Variants in PTPRD observed in about 807,000 individuals in gnomAD.
The protein encoded by PTPRD is protein tyrosine phosphatase receptor type D, also known as receptor-type tyrosine-protein phosphatase delta.
A neutral mutation model predicts 214.5 loss-of-function variants in PTPRD; 34 were observed. The ratio of observed to expected loss-of-function variants is 0.16; its 90% CI spans 0.12 to 0.21. The LOEUF (loss-of-function observed/expected upper bound fraction) is 0.21, where lower values mean the gene tolerates loss of function less well. Ranked by LOEUF, PTPRD falls within the 10% of genes least tolerant of loss-of-function variation. PTPRD has a pLI of 1.00. For missense variants in PTPRD, 2,545 were observed against 2,398.7 expected (o/e 1.06, Z -1.27); for synonymous variants, 1,128 against 845.7 (o/e 1.33, Z -5.79).
intron 8 of PTPRD, among the ~76,000 whole-genome samples, chr9:9,485,160 A>C (rs1347279466): frequency 6.6e-6 from 1 of 152,198 alleles, no homozygotes; most frequent in African/African-American, 2.4e-5. Flanking sequence ...AAAATAATCT[A>C]TAATACATTT....
At chr9:10,587,329 T>G (rs2074184519) in intron 2 of PTPRD, among the ~76,000 whole-genome samples, 1 of 152,136 alleles carries the variant, frequency 6.6e-6, no homozygotes, top group Non-Finnish European at 1.5e-5. Flanking sequence ...ATTAAATTCA[T>G]TAACAAGTTC....
intron 3 of PTPRD, among the ~76,000 whole-genome samples, chr9:10,152,417 T>C (rs1296268508): frequency 6.6e-6 from 1 of 152,236 alleles, no homozygotes; most frequent in African/African-American, 2.4e-5. Flanking sequence ...TACAAATCAT[T>C]CATCAGATAT....
At chr9:9,625,116 G>C (rs2095377531) in intron 7 of PTPRD, among the ~76,000 whole-genome samples, 1 of 152,148 alleles carries the variant, frequency 6.6e-6, no homozygotes, top group South Asian at 2.1e-4. Flanking sequence ...AGCCATTAAA[G>C]TCCACAGTAG....
At chr9:9,530,760 T>C (rs979657289) in intron 8 of PTPRD, among the ~76,000 whole-genome samples, 1 of 152,156 alleles carries the variant, frequency 6.6e-6, no homozygotes, top group South Asian at 2.1e-4. Flanking sequence ...AGAGGTGATA[T>C]TAAGTGAAAT....
At chr9:9,549,326 A>C (rs150116212) in intron 8 of PTPRD, among the ~76,000 whole-genome samples, 2,512 of 152,200 alleles carry the variant, frequency 0.017, 40 homozygotes, top group Admixed American at 0.026. Flanking sequence ...GAACTCTTAT[A>C]ACTAATCAAA....
chr9:8,511,631 T>C (rs2097684553), intron 21 of PTPRD, among the ~76,000 whole-genome samples: 1 of 152,124 alleles, frequency 6.6e-6, no homozygotes. Context: ...AGTTACTTCA[T>C]ATTCAAAGGA....
chr9:8,564,848 A>G (rs1316823237), intron 14 of PTPRD, among the ~76,000 whole-genome samples: 1 of 152,158 alleles, frequency 6.6e-6, no homozygotes, highest in Admixed American at 6.6e-5. Flanking sequence ...AGAGTCTAAG[A>G]AAGTTTTTTT....
intron 3 of PTPRD, among the ~76,000 whole-genome samples, chr9:10,289,341 C>A (rs543613660): frequency 6.6e-6 from 1 of 152,094 alleles, no homozygotes; most frequent in African/African-American, 2.4e-5. Flanking sequence ...TTTCAGTGAA[C>A]ATCTACTGAG....
At chr9:8,894,733 G>A (rs1374065588) in intron 11 of PTPRD, among the ~76,000 whole-genome samples, 1 of 152,156 alleles carries the variant, frequency 6.6e-6, no homozygotes, top group Non-Finnish European at 1.5e-5. Flanking sequence ...AGTAGTTTTG[G>A]GGTAAAACGG....
At chr9:8,950,281 T>A (rs2099094413) in intron 11 of PTPRD, among the ~76,000 whole-genome samples, 1 of 152,130 alleles carries the variant, frequency 6.6e-6, no homozygotes, top group Non-Finnish European at 1.5e-5. Flanking sequence ...TTATGCATGG[T>A]TGTGAGATAG....
At chr9:10,185,357 TA>T in intron 3 of PTPRD, among the ~76,000 whole-genome samples, 1 of 152,334 alleles carries the variant, frequency 6.6e-6, no homozygotes, top group Admixed American at 6.5e-5. Flanking sequence ...GAATGATGCA[TA>T]AACTTCCATT....
At chr9:9,906,632 T>C (rs564607736) in intron 5 of PTPRD, among the ~76,000 whole-genome samples, 3 of 152,074 alleles carry the variant, frequency 2.0e-5, no homozygotes, top group South Asian at 2.1e-4. Context: ...AATTCATTTA[T>C]GATGTTTTAA....
At chr9:9,355,737 T>A (rs2053514103) in intron 9 of PTPRD, among the ~76,000 whole-genome samples, 2 of 151,182 alleles carry the variant, frequency 1.3e-5, no homozygotes, top group Admixed American at 1.3e-4. Flanking sequence ...TGGGATTGAG[T>A]AAAAACACAA....
chr9:9,650,690 C>A (rs2096317191), intron 7 of PTPRD, among the ~76,000 whole-genome samples: 1 of 151,870 alleles, frequency 6.6e-6, no homozygotes, highest in African/African-American at 2.4e-5. Flanking sequence ...AGGCTTAATA[C>A]CTGGGTGATT....
At chr9:8,340,621 A>G (rs1030592000) in intron 41 of PTPRD, 152 bp from the exon 42 acceptor site, 4 of 775,858 alleles carry the variant, frequency 5.2e-6, no homozygotes, top group Admixed American at 3.3e-5. Context: ...AAATAATCAA[A>G]TAAGAGCATT....
intron 34 of PTPRD, among the ~76,000 whole-genome samples, chr9:8,441,441 G>C (rs183776659): frequency 1.3e-5 from 2 of 151,940 alleles, no homozygotes; most frequent in African/African-American, 4.8e-5. Flanking sequence ...GTATCGTGTG[G>C]CATTTCCTCA....
At chr9:9,466,567 T>A (rs557286350) in intron 8 of PTPRD, among the ~76,000 whole-genome samples, 87 of 152,308 alleles carry the variant, frequency 5.7e-4, no homozygotes, top group Middle Eastern at 3.4e-3. Flanking sequence ...AACACAAATC[T>A]GTGTTTCATA....
At chr9:10,274,331 G>A (rs368949548) in intron 3 of PTPRD, among the ~76,000 whole-genome samples, 1 of 152,160 alleles carries the variant, frequency 6.6e-6, no homozygotes, top group Non-Finnish European at 1.5e-5. Context: ...TAGCTAACAA[G>A]TGACTGAATC....
intron 7 of PTPRD, among the ~76,000 whole-genome samples, chr9:9,719,808 TC>T: frequency 6.6e-6 from 1 of 152,252 alleles, no homozygotes; most frequent in South Asian, 2.1e-4. Flanking sequence ...CGCACTGCAT[TC>T]CCCTCATCCG....
Sources: allele counts gnomAD v4.1 joint callset (sites outside exome capture counted in the v4.1 genomes callset), GRCh38; gene constraint gnomAD v4.1.1; transcripts MANE v1.5; gene names NCBI Gene and HGNC (gene_info 2026-07-23, HGNC 2026-07-21).